The following TUSC3 variants were observed in gnomAD, a reference collection of about 807,000 sequenced individuals.
TUSC3 encodes tumor suppressor candidate 3, also known as dolichyl-diphosphooligosaccharide--protein glycosyltransferase subunit TUSC3.
Under a neutral mutation model 44.8 loss-of-function variants are expected in TUSC3, and 45 were observed. The observed-to-expected ratio is 1.00, with a 90% CI of 0.79 to 1.29. The LOEUF (loss-of-function observed/expected upper bound fraction) is 1.29. Ranked by LOEUF, TUSC3 falls within the 50% of genes most tolerant of loss-of-function variation. The probability of loss-of-function intolerance (pLI) is 0.00; values close to 1 mark genes in which losing one functional copy is unlikely to be tolerated. For synonymous variants in TUSC3, 212 were observed against 152.9 expected, an observed-to-expected ratio of 1.39 and a Z score of -2.85; for missense variants, 519 against 437.9, an observed-to-expected ratio of 1.19 and a Z score of -1.65.
At chr8:15,496,874 G>C (rs2129126451) in intron 2 of TUSC3, among the ~76,000 whole-genome samples, 1 of 152,026 alleles carries the variant, frequency 6.6e-6, no homozygotes, top group Admixed American at 6.6e-5. Flanking sequence ...GAAGAAGCTG[G>C]TAGTAGAAAT....
At chr8:15,588,271 A>G (rs1392091427) in intron 1 of TUSC3, among the ~76,000 whole-genome samples, 1 of 152,254 alleles carries the variant, frequency 6.6e-6, no homozygotes, top group East Asian at 1.9e-4. Context: ...ATTAGATGTT[A>G]TCTCACAGTG....
At chr8:15,499,678 G>A (rs1800932254) in intron 2 of TUSC3, among the ~76,000 whole-genome samples, 2 of 151,948 alleles carry the variant, frequency 1.3e-5, no homozygotes, top group Non-Finnish European at 2.9e-5. Flanking sequence ...CATTATTCTG[G>A]GTGTGTCTGT....
At chr8:15,801,877 G>A in the TUSC3 span, among the ~76,000 whole-genome samples, 4 of 152,190 alleles carry the variant, frequency 2.6e-5, no homozygotes, top group African/African-American at 9.7e-5. Context: ...GCTATCGTGG[G>A]GATTTTGAAA....
At chr8:15,482,549 A>G (rs1800676434) in intron 1 of TUSC3, among the ~76,000 whole-genome samples, 1 of 152,204 alleles carries the variant, frequency 6.6e-6, no homozygotes, top group Admixed American at 6.5e-5. Flanking sequence ...CTCATTGACA[A>G]TGTACTCAAT....
chr8:15,529,071 G>T (rs773153738), intron 2 of TUSC3, among the ~76,000 whole-genome samples: 3 of 152,136 alleles, frequency 2.0e-5, no homozygotes, highest in Admixed American at 2.0e-4. Flanking sequence ...ACAAGTAAGT[G>T]ACATACTGTT....
At chr8:15,773,354 A>T in the TUSC3 span, among the ~76,000 whole-genome samples, 23 of 152,322 alleles carry the variant, frequency 1.5e-4, no homozygotes, top group Admixed American at 3.9e-4. Flanking sequence ...AAATTAAGAC[A>T]ATTTCATTTA....
intron 6 of TUSC3, among the ~76,000 whole-genome samples, chr8:15,710,535 A>G (rs1585254782): frequency 6.6e-6 from 1 of 151,856 alleles, no homozygotes; most frequent in Admixed American, 6.6e-5. Context: ...TGGCAGGAAA[A>G]CATAGCTGAC....
In TUSC3 at chr8:15,540,372, C is replaced by G; in HGVS notation, c.-59C>G. On this transcript the variant is annotated 5_prime_UTR_variant, in exon 1 of 11. Transcript: ENST00000503731. ...GGAGGCTGGCCGGGCAGGCGTGGTG[C>G]GCGGTAGGAGCTGGGCGCGCACGGC... is the stretch of plus-strand genomic sequence containing the variant. The G allele has an allele frequency of 6.8e-7, 1 of 1,460,826 alleles. No individual in the cohort carries two copies. The highest frequency in any genetic ancestry group is 9.1e-7 in the Non-Finnish European group (1 of 1,101,630). 90.5% of individuals were successfully genotyped at this position (1,460,826 alleles called of 1,614,324 possible). A position where few individuals can be genotyped will look rare whatever the true frequency, so the allele number is the denominator to read the frequency against.
chr8:15,719,515 AC>A lies in TUSC3; in HGVS notation c.799-11149del, dbSNP rs112018529. On this transcript the variant is annotated intron_variant, in intron 6 of 10. Coordinates refer to ENST00000503731, the MANE Select transcript of TUSC3 (RefSeq NM_006765.4). ...GTTCATCACACACACACACACACACACCACACACACACACACACACACACAC... is the reference window on the plus strand; with the variant it reads ...GTTCATCACACACACACACACACACACACACACACACACACACACACACAC... 3.0e-3 allele frequency among the ~76,000 whole-genome samples: 16 copies of A among 5,378 alleles called. 1 individual carries two copies. The highest frequency in any genetic ancestry group is 9.3e-3 in the East Asian group (1 of 108). 3.5% of individuals were successfully genotyped at this position (5,378 alleles called of 152,430 possible). A position where few individuals can be genotyped will look rare whatever the true frequency, so the allele number is the denominator to read the frequency against.
At chr8:15,444,787 C>T (rs992560961) in intron 1 of TUSC3, among the ~76,000 whole-genome samples, 9 of 152,148 alleles carry the variant, frequency 5.9e-5, no homozygotes, top group Middle Eastern at 3.4e-3. Flanking sequence ...AAAATGTCTT[C>T]TTACCCTCTT....
chr8:15,812,282 C>T, the TUSC3 span, among the ~76,000 whole-genome samples: 3 of 152,218 alleles, frequency 2.0e-5, no homozygotes, highest in Non-Finnish European at 4.4e-5. Flanking sequence ...AAACAGAAAA[C>T]ATTTAGAAAG....
At chr8:15,421,954 T>C (rs1799743296) in intron 1 of TUSC3, among the ~76,000 whole-genome samples, 1 of 152,194 alleles carries the variant, frequency 6.6e-6, no homozygotes, top group African/African-American at 2.4e-5. Context: ...CACTGTCTTC[T>C]CTAGGAGCCA....
chr8:15,454,634 G>T (rs919082801), intron 1 of TUSC3, among the ~76,000 whole-genome samples: 10 of 152,186 alleles, frequency 6.6e-5, no homozygotes, highest in African/African-American at 2.4e-4. Context: ...AGTTCCCCTT[G>T]ACTTGTGAAA....
At chr8:15,474,005 G>A (rs1845609) in intron 1 of TUSC3, among the ~76,000 whole-genome samples, 76,012 of 151,850 alleles carry the variant, frequency 0.5, 19,880 homozygotes, top group African/African-American at 0.65. Flanking sequence ...ACTTAAGACC[G>A]GCACTCCCAG....
At chr8:15,585,177 A>G (rs1368989504) in intron 1 of TUSC3, among the ~76,000 whole-genome samples, 1 of 152,158 alleles carries the variant, frequency 6.6e-6, no homozygotes, top group African/African-American at 2.4e-5. Context: ...GGCGTTAGGA[A>G]TAGAGTGGCA....
Position 15,445,851 on chromosome 8 carries a change from C to T in TUSC3, n.91+28546C>T, listed in dbSNP as rs187952510. ...TTGGGTACACCTCCCAGATGGTAGA[C>T]GGGGTGGCGGCCGGGCAGAGGGGCT... On this transcript the variant is annotated intron_variant and non_coding_transcript_variant, in intron 1 of 5. Coordinates refer to the TUSC3 transcript ENST00000503191. Among the ~76,000 whole-genome samples, 592 of 152,296 alleles carry T rather than the reference C, an allele frequency of 3.9e-3. 5 individuals are homozygous for T. Among genetic ancestry groups the T allele is most frequent in the African/African-American group, 0.013 (551 of 41,578 alleles).
chr8:15,450,635 A>G (rs1334195729), intron 1 of TUSC3, among the ~76,000 whole-genome samples: 3 of 152,212 alleles, frequency 2.0e-5, no homozygotes, highest in Non-Finnish European at 4.4e-5. Context: ...GCAACATTGC[A>G]TTCCAGTCTG....
intron 1 of TUSC3, among the ~76,000 whole-genome samples, chr8:15,555,941 AT>A (rs1200169193): frequency 1.3e-5 from 2 of 151,614 alleles, no homozygotes; most frequent in Non-Finnish European, 2.9e-5. Flanking sequence ...CTTTCTGGAT[AT>A]AAATGATCAA....
intron 7 of TUSC3, among the ~76,000 whole-genome samples, chr8:15,740,927 TG>T (rs1439818673): frequency 2.0e-5 from 3 of 152,102 alleles, no homozygotes; most frequent in Admixed American, 6.5e-5. Flanking sequence ...CTTACGAAAA[TG>T]TACGTAATTT....
Sources: allele counts gnomAD v4.1 joint callset (sites outside exome capture counted in the v4.1 genomes callset), GRCh38; gene constraint gnomAD v4.1.1; transcripts MANE v1.5; gene names NCBI Gene and HGNC (gene_info 2026-07-23, HGNC 2026-07-21).